Variants in DAB1 observed in about 807,000 individuals in gnomAD.
DAB1 encodes the protein disabled homolog 1.
Under a neutral mutation model 64.6 loss-of-function variants are expected in DAB1, and 15 were observed. That is an observed-to-expected ratio of 0.23 (90% CI 0.16 to 0.36). The LOEUF is 0.36. Among genes scored for constraint, DAB1 ranks in the 10% least tolerant of loss-of-function variants. The pLI is 1.00. For missense variants in DAB1, 596 were observed against 706.7 expected, an observed-to-expected ratio of 0.84 and a Z score of 1.78; for synonymous variants, 235 against 251.9, an observed-to-expected ratio of 0.93 and a Z score of 0.64.
chr1:58,301,604 G>A (rs564618541), intron 4 of DAB1, among the ~76,000 whole-genome samples: 27 of 152,244 alleles, frequency 1.8e-4, no homozygotes, highest in African/African-American at 6.5e-4. Context: ...CACCCCTGCT[G>A]TAGATGCATT....
chr1:57,936,498 TCTC>T (rs1427763514), intron 5 of DAB1, among the ~76,000 whole-genome samples: 1 of 152,144 alleles, frequency 6.6e-6, no homozygotes, highest in Non-Finnish European at 1.5e-5. Flanking sequence ...TTCAAGCAAT[TCTC>T]CTGCCTCAGC....
intron 1 of DAB1, among the ~76,000 whole-genome samples, chr1:57,358,280 G>A (rs77129304): frequency 0.027 from 4,036 of 151,868 alleles, 244 homozygotes; most frequent in East Asian, 0.26. Flanking sequence ...TATTAGTTGC[G>A]GGTCCTTCTT....
chr1:58,137,389 A>C (rs1283362467), intron 5 of DAB1, among the ~76,000 whole-genome samples: 1 of 152,134 alleles, frequency 6.6e-6, no homozygotes, highest in East Asian at 1.9e-4. Flanking sequence ...TCAGCCTTTT[A>C]ACTGAATCAA....
chr1:58,300,647 AGGAAGGAAGG>A (rs1210735882), intron 4 of DAB1, among the ~76,000 whole-genome samples: 46 of 41,808 alleles, frequency 1.1e-3, no homozygotes, highest in Non-Finnish European at 1.1e-3. Flanking sequence ...AGAGAGAGAG[AGGAAGGAAGG>A]AAGGAAGGAA....
intron 1 of DAB1, chr1:57,860,519 C>G (rs1653961911): frequency 6.6e-6 from 1 of 152,220 alleles, no homozygotes; most frequent in Non-Finnish European, 1.5e-5. Context: ...CCTGATGGCT[C>G]CCGCTGGTTG....
intron 7 of DAB1, among the ~76,000 whole-genome samples, chr1:57,569,467 C>T (rs1645166567): frequency 1.3e-5 from 2 of 152,040 alleles, no homozygotes; most frequent in Admixed American, 1.3e-4. Flanking sequence ...AACCATCATT[C>T]TCAGCAAACA....
At chr1:57,744,203 G>A (rs1032602428) in intron 6 of DAB1, among the ~76,000 whole-genome samples, 3 of 152,170 alleles carry the variant, frequency 2.0e-5, no homozygotes, top group African/African-American at 7.2e-5. Context: ...GGGCAACTTC[G>A]GAAGGCTGTT....
At chr1:58,158,923 G>A (rs1655364185) in intron 4 of DAB1, among the ~76,000 whole-genome samples, 1 of 152,102 alleles carries the variant, frequency 6.6e-6, no homozygotes, top group South Asian at 2.1e-4. Flanking sequence ...GCAGGGGAGA[G>A]GAAATATTCT....
intron 5 of DAB1, among the ~76,000 whole-genome samples, chr1:57,959,967 A>G (rs1645478992): frequency 6.6e-6 from 1 of 152,192 alleles, no homozygotes; most frequent in East Asian, 1.9e-4. Context: ...CCCTTGCATA[A>G]AAATATCCAC....
At chr1:57,870,343 G>A (rs1015908714) in intron 1 of DAB1, among the ~76,000 whole-genome samples, 13 of 152,104 alleles carry the variant, frequency 8.5e-5, no homozygotes, top group African/African-American at 3.1e-4. Context: ...TAGAGTTATG[G>A]GGCCAGCCTA....
At chr1:57,522,374 A>G (rs2101385667) in intron 7 of DAB1, among the ~76,000 whole-genome samples, 1 of 152,284 alleles carries the variant, frequency 6.6e-6, no homozygotes, top group South Asian at 2.1e-4. Flanking sequence ...GTGAAGAGCA[A>G]GGGAAGAAGC....
intron 2 of DAB1, among the ~76,000 whole-genome samples, chr1:57,168,166 A>T (rs1661381362): frequency 1.3e-5 from 2 of 152,084 alleles, no homozygotes; most frequent in East Asian, 3.9e-4. Flanking sequence ...TGACAAGATT[A>T]CTCTTCAGAG....
intron 1 of DAB1, among the ~76,000 whole-genome samples, chr1:57,324,940 G>A (rs1220978279): frequency 6.6e-6 from 1 of 152,206 alleles, no homozygotes; most frequent in East Asian, 1.9e-4. Flanking sequence ...CCTGAGAACT[G>A]CTCAAGAGCC....
chr1:57,036,055 C>T (rs977775092), intron 9 of DAB1, among the ~76,000 whole-genome samples: 2 of 151,816 alleles, frequency 1.3e-5, no homozygotes, highest in East Asian at 3.9e-4. Flanking sequence ...TTTGGCCAGG[C>T]TGGTCTTGAA....
At chr1:57,861,787 A>G (rs1654048267) in intron 1 of DAB1, among the ~76,000 whole-genome samples, 1 of 148,870 alleles carries the variant, frequency 6.7e-6, no homozygotes, top group Non-Finnish European at 1.5e-5. Flanking sequence ...TATAATATGT[A>G]TTATAAATAC....
At position 57,478,760 on chromosome 1, in the gene DAB1, CTT is replaced by C. The variant is rs547570817; in HGVS notation, n.625+170830_625+170831del. ...GGTGCGTGCCACCATGCCCAGCTAACTTTTTTTTTTTTGTATTTTTTAGTAGA... is the reference window on the plus strand; with the variant it reads ...GGTGCGTGCCACCATGCCCAGCTAACTTTTTTTTTTGTATTTTTTAGTAGA... On this transcript the variant is annotated intron_variant and non_coding_transcript_variant, in intron 7 of 20. Coordinates refer to the DAB1 transcript ENST00000485760. Among the ~76,000 whole-genome samples, 631 of 143,776 alleles carry C rather than the reference CTT, an allele frequency of 4.4e-3. 3 individuals carry two copies. The highest frequency in any genetic ancestry group is 0.015 in the African/African-American group (603 of 39,416). 94.3% of individuals were successfully genotyped at this position (143,776 alleles called of 152,430 possible).
At chr1:58,539,392 T>C (rs941952086) in intron 1 of DAB1, 1 of 663,772 alleles carries the variant, frequency 1.5e-6, no homozygotes, top group Non-Finnish European at 2.5e-6. Flanking sequence ...TAAATAGGCG[T>C]GTCAGTTGTT....
At chr1:58,275,277 T>C (rs1459049274) in intron 4 of DAB1, among the ~76,000 whole-genome samples, 6 of 152,300 alleles carry the variant, frequency 3.9e-5, no homozygotes, top group Admixed American at 3.3e-4. Flanking sequence ...TTGGCAATGA[T>C]TTCTTGGATA....
rs772989513 is a variant in DAB1 at position 57,207,446 on chromosome 1, C to CTT, written c.68-62019_68-62018dup. Among the ~76,000 whole-genome samples, 18 of 98,454 alleles carry CTT rather than the reference C, an allele frequency of 1.8e-4. 1 individual carries two copies. The highest frequency in any genetic ancestry group is 8.1e-4 in the East Asian group (3 of 3,704). The allele number at this position is 98,454 out of a possible 152,430, so 64.6% of individuals were successfully genotyped here. ...CTGTAATTCATACCTTATTTCCTTT[C>CTT]TTTTTTTTTTTTTTTGAGATGGAGT... On this transcript the variant is annotated intron_variant, in intron 2 of 14. Transcript: ENST00000371236.
Sources: allele counts gnomAD v4.1 joint callset (sites outside exome capture counted in the v4.1 genomes callset), GRCh38; gene constraint gnomAD v4.1.1; transcripts MANE v1.5; gene names NCBI Gene and HGNC (gene_info 2026-07-23, HGNC 2026-07-21).